The following CMC1 variants were observed in gnomAD, a reference collection of about 807,000 sequenced individuals.
CMC1 encodes C-X9-C motif containing 1, also known as COX assembly mitochondrial protein homolog.
CMC1 carries 14 observed loss-of-function variants against 14.1 expected under a neutral mutation model. The ratio of observed to expected loss-of-function variants is 0.99; its 90% CI spans 0.66 to 1.55. The LOEUF (loss-of-function observed/expected upper bound fraction) is 1.55. Among genes scored for constraint, CMC1 ranks in the 40% most tolerant of loss-of-function variants. The probability of loss-of-function intolerance (pLI) is 0.00; values close to 1 mark genes in which losing one functional copy is unlikely to be tolerated. For synonymous variants in CMC1, 50 were observed against 38.4 expected (o/e 1.30, Z -1.12); for missense variants, 127 against 123.8 (o/e 1.03, Z -0.12).
intron 1 of CMC1, among the ~76,000 whole-genome samples, chr3:28,261,767 C>T (rs965227048): frequency 6.6e-6 from 1 of 152,110 alleles, no homozygotes; most frequent in African/African-American, 2.4e-5. Flanking sequence ...CCCATATTTA[C>T]CAAAACCTGT....
chr3:28,270,920 C>CTTTTTTTTTTTTTTT (rs71087680), intron 2 of CMC1, among the ~76,000 whole-genome samples: 4 of 83,726 alleles, frequency 4.8e-5, no homozygotes, highest in Non-Finnish European at 9.0e-5. Context: ...GAGTTAATTT[C>CTTTTTTTTTTTTTTT]TTTTTTTTTT....
At chr3:28,302,351 A>T (rs1387523709) in intron 2 of CMC1, among the ~76,000 whole-genome samples, 1 of 152,172 alleles carries the variant, frequency 6.6e-6, no homozygotes, top group African/African-American at 2.4e-5. Flanking sequence ...GTTTTTTGTC[A>T]GTTGCTTTTA....
chr3:28,248,956 A>AT (rs1698984639), intron 1 of CMC1, among the ~76,000 whole-genome samples: 2 of 151,938 alleles, frequency 1.3e-5, no homozygotes, highest in South Asian at 2.1e-4. Context: ...TGTCCGGCTA[A>AT]TTTTTTTGTA....
At chr3:28,303,110 T>C (rs1396491022) in intron 2 of CMC1, among the ~76,000 whole-genome samples, 1 of 152,190 alleles carries the variant, frequency 6.6e-6, no homozygotes, top group Non-Finnish European at 1.5e-5. Flanking sequence ...ATCGTGTTTT[T>C]GTACAATTCA....
chr3:28,315,989 T>C (rs2125612541), intron 2 of CMC1: 1 of 166,648 alleles, frequency 6.0e-6, no homozygotes, highest in South Asian at 1.9e-4. Flanking sequence ...GTTTCTCTAC[T>C]AGAAATCCTA....
chr3:28,284,111 C>G (rs1206424814), intron 2 of CMC1, among the ~76,000 whole-genome samples: 1 of 152,048 alleles, frequency 6.6e-6, no homozygotes, highest in Non-Finnish European at 1.5e-5. Flanking sequence ...GTTCCTTTCC[C>G]TCTCATTTTG....
rs1047209144 is a variant in CMC1 at position 28,244,819 on chromosome 3, T to C, written c.19+3007T>C. Among the ~76,000 whole-genome samples, 11 of 151,756 alleles carry C rather than the reference T, an allele frequency of 7.2e-5. No individual in the cohort carries two copies. The East Asian group carries it at 2.1e-3, about 29-fold the overall frequency. ...TGGTCAAATCTAACAATGTGATTAT[T>C]GGAAACTTCATCAAAGGAAGGAATG... On this transcript the variant is annotated intron_variant, in intron 1 of 3. Transcript: ENST00000466830.
chr3:28,305,836 T>C (rs1702280524), intron 2 of CMC1, among the ~76,000 whole-genome samples: 1 of 147,684 alleles, frequency 6.8e-6, no homozygotes, highest in Admixed American at 6.9e-5. Context: ...GTTTAAGTCT[T>C]TCAGCGATCT....
At chr3:28,275,793 G>A (rs552069862) in intron 2 of CMC1, among the ~76,000 whole-genome samples, 1 of 152,142 alleles carries the variant, frequency 6.6e-6, no homozygotes, top group African/African-American at 2.4e-5. Context: ...TCAGAGTTCT[G>A]TCCATAAACC....
chr3:28,292,229 TA>T (rs1326840036), intron 2 of CMC1, among the ~76,000 whole-genome samples: 2 of 152,170 alleles, frequency 1.3e-5, no homozygotes, highest in East Asian at 1.9e-4. Context: ...TTTTATGGCA[TA>T]GGGGCAGCTA....
intron 2 of CMC1, among the ~76,000 whole-genome samples, chr3:28,278,906 A>C (rs1276595426): frequency 6.6e-6 from 1 of 152,208 alleles, no homozygotes; most frequent in African/African-American, 2.4e-5. Flanking sequence ...TGTCTAGCAC[A>C]TTGTGAATGG....
intron 2 of CMC1, among the ~76,000 whole-genome samples, chr3:28,271,726 T>A (rs1265873432): frequency 1.3e-5 from 2 of 152,232 alleles, no homozygotes; most frequent in Non-Finnish European, 2.9e-5. Flanking sequence ...TTTGTTCTAA[T>A]TCTGTGAAAT....
chr3:28,275,344 T>TC lies in CMC1; in HGVS notation c.109+11964_109+11965insC, dbSNP rs1282301310. 9.2e-3 allele frequency among the ~76,000 whole-genome samples: 1,351 copies of TC among 147,350 alleles called. 16 individuals are homozygous for TC. The highest frequency in any genetic ancestry group is 0.032 in the African/African-American group (1,293 of 40,320). ...TAGTTGTTTGTTTTTTTTTTTTCTTTTTTTTTTTTTTTTACAGCCGTCTTC... is the reference window on the plus strand; with the variant it reads ...TAGTTGTTTGTTTTTTTTTTTTCTTTCTTTTTTTTTTTTTACAGCCGTCTTC... On this transcript the variant is annotated intron_variant, in intron 2 of 3. Coordinates refer to ENST00000466830, the MANE Select transcript of CMC1 (RefSeq NM_182523.2).
chr3:28,315,504 C>T (rs1702850772), intron 2 of CMC1, among the ~76,000 whole-genome samples: 1 of 152,132 alleles, frequency 6.6e-6, no homozygotes, highest in African/African-American at 2.4e-5. Context: ...GCCTTGCTGC[C>T]ATCAGGTGGG....
At chr3:28,278,988 A>T (rs181639595) in intron 2 of CMC1, among the ~76,000 whole-genome samples, 4 of 152,332 alleles carry the variant, frequency 2.6e-5, no homozygotes, top group Admixed American at 1.3e-4. Context: ...TATAATTTAA[A>T]ATTTGATAAT....
chr3:28,256,723 G>A (rs1199801986), intron 1 of CMC1, among the ~76,000 whole-genome samples: 2 of 152,134 alleles, frequency 1.3e-5, no homozygotes, highest in African/African-American at 2.4e-5. Flanking sequence ...GGCAAACACC[G>A]ACATGGTGAC....
chr3:28,283,523 G>GCAA (rs772181418), intron 2 of CMC1, among the ~76,000 whole-genome samples: 27,142 of 118,210 alleles, frequency 0.23, 3,446 homozygotes, highest in Middle Eastern at 0.34. Flanking sequence ...CATCTCAACA[G>GCAA]CAACAACAAC....
At position 28,319,772 on chromosome 3, in the gene CMC1, A is replaced by G; in HGVS notation, c.*143A>G. ...TATCTGAAATAAATATTTTATTTCA[A>G]AGTTTTGGTTTCTTAAATGGGAAAG... On this transcript the variant is annotated 3_prime_UTR_variant, in exon 4 of 4. Transcript: ENST00000466830. 1 of 744,172 alleles carries G rather than the reference A, an allele frequency of 1.3e-6. No homozygotes were observed. Among genetic ancestry groups the G allele is most frequent in the Non-Finnish European group, 2.0e-6 (1 of 495,082 alleles). 46.1% of individuals were successfully genotyped at this position (744,172 alleles called of 1,614,324 possible). A position where few individuals can be genotyped will look rare whatever the true frequency, so the allele number is the denominator to read the frequency against.
chr3:28,323,229 TTTATA>T lies in CMC1; in HGVS notation c.*3605_*3609del, dbSNP rs1463431199. ...CTTTTTATCATTACACACATTTATG[TTTATA>T]TTATGGCCCACAGAAGGGCAGATTA... On this transcript the variant is annotated 3_prime_UTR_variant, in exon 4 of 4. Coordinates refer to ENST00000466830, the MANE Select transcript of CMC1 (RefSeq NM_182523.2). 1 of 151,198 alleles carries T rather than the reference TTTATA, an allele frequency of 6.6e-6. No individual in the cohort carries two copies. The highest frequency in any genetic ancestry group is 6.6e-5 in the Admixed American group (1 of 15,112). 9.4% of individuals were successfully genotyped at this position (151,198 alleles called of 1,614,324 possible). A position where few individuals can be genotyped will look rare whatever the true frequency, so the allele number is the denominator to read the frequency against.
Sources: allele counts gnomAD v4.1 joint callset (sites outside exome capture counted in the v4.1 genomes callset), GRCh38; gene constraint gnomAD v4.1.1; transcripts MANE v1.5; gene names NCBI Gene and HGNC (gene_info 2026-07-23, HGNC 2026-07-21).